The following CTXND1 variants were observed in gnomAD, a reference collection of about 807,000 sequenced individuals.
The protein encoded by CTXND1 is cortexin domain containing 1, also known as cortexin domain-containing 1 protein.
intron 1 of CTXND1, among the ~76,000 whole-genome samples, chr15:80,235,134 G>A (rs905486007): frequency 2.6e-5 from 4 of 152,114 alleles, no homozygotes; most frequent in Non-Finnish European, 5.9e-5. Flanking sequence ...GGGCCCTTGC[G>A]GTAGTTCAGC....
chr15:80,229,313 A>G (rs1893404425), intron 1 of CTXND1, among the ~76,000 whole-genome samples: 1 of 152,210 alleles, frequency 6.6e-6, no homozygotes, highest in South Asian at 2.1e-4. Context: ...GTTGCTGGTC[A>G]TACCAAGGTA....
At chr15:80,204,926 A>G (rs1175070057) in intron 1 of CTXND1, among the ~76,000 whole-genome samples, 2 of 152,204 alleles carry the variant, frequency 1.3e-5, no homozygotes, top group East Asian at 3.8e-4. Flanking sequence ...AAAAAGCACA[A>G]AAAGAAAACA....
In CTXND1 at chr15:80,202,604, G is replaced by A. The variant is rs77472373; in HGVS notation, c.-65-590C>T. ...CATCAGGATTACAGGCGTGACCACT[G>A]TGCCTGGTCTATCATGTTTTGAAAG... On this transcript the variant is annotated intron_variant, in intron 2 of 2. Coordinates refer to ENST00000560778, the MANE Select transcript of CTXND1 (RefSeq NM_001352888.2). 4.7e-3 allele frequency among the ~76,000 whole-genome samples: 717 copies of A among 152,292 alleles called. 6 individuals carry two copies. The highest frequency in any genetic ancestry group is 0.016 in the African/African-American group (685 of 41,540).
At chr15:80,206,766 A>G (rs1275911831) in intron 1 of CTXND1, among the ~76,000 whole-genome samples, 1 of 152,280 alleles carries the variant, frequency 6.6e-6, no homozygotes, top group Admixed American at 6.5e-5. Context: ...TTCTCTTTCC[A>G]TTGTCAGTTA....
chr15:80,201,567 G>A lies in CTXND1; in HGVS notation c.*203C>T, dbSNP rs2041449210. ...GCTCTTTTCCCCTGGCTGGTCCATG[G>A]TTGCGACACCCACGGCACCCGGGCA... On this transcript the variant is annotated 3_prime_UTR_variant, in exon 3 of 3. Transcript: ENST00000560778. 4 of 386,132 alleles carry A rather than the reference G, an allele frequency of 1.0e-5. No individual in the cohort carries two copies. The highest frequency in any genetic ancestry group is 2.1e-5 in the African/African-American group (1 of 48,518). The allele number at this position is 386,132 out of a possible 1,614,324, so 23.9% of individuals were successfully genotyped here. A position where few individuals can be genotyped will look rare whatever the true frequency, so the allele number is the denominator to read the frequency against.
chr15:80,200,921 G>A lies in CTXND1; in HGVS notation c.*849C>T, dbSNP rs2041445831. ...TACCCAACCGATGGGATGCCCTTCG[G>A]TCACTAAAACTGGCAGCTAAGAAGA... On this transcript the variant is annotated 3_prime_UTR_variant, in exon 3 of 3. Transcript: ENST00000560778. The A allele has an allele frequency of 6.6e-6, 1 of 152,204 alleles. No homozygotes were observed. The highest frequency in any genetic ancestry group is 1.5e-5 in the Non-Finnish European group (1 of 68,042). 9.4% of individuals were successfully genotyped at this position (152,204 alleles called of 1,614,324 possible).
chr15:80,251,548 C>T (rs1893696655), intron 1 of CTXND1, among the ~76,000 whole-genome samples: 1 of 152,232 alleles, frequency 6.6e-6, no homozygotes, highest in South Asian at 2.1e-4. Flanking sequence ...GAAGGACTTT[C>T]TAACTTTGAT....
chr15:80,239,883 TTTA>T (rs1893545223), intron 1 of CTXND1, among the ~76,000 whole-genome samples: 1 of 152,218 alleles, frequency 6.6e-6, no homozygotes, highest in African/African-American at 2.4e-5. Flanking sequence ...TTAAGTCTTT[TTTA>T]TTATTGATCA....
intron 1 of CTXND1, among the ~76,000 whole-genome samples, chr15:80,229,077 T>C (rs1893402190): frequency 6.6e-6 from 1 of 152,108 alleles, no homozygotes; most frequent in Non-Finnish European, 1.5e-5. Context: ...GCACTTCAGG[T>C]AAAGGACACT....
chr15:80,243,509 G>GTAGC lies in CTXND1; in HGVS notation c.-218+8494_-218+8497dup, dbSNP rs1200759395. On this transcript the variant is annotated intron_variant, in intron 1 of 2. Coordinates refer to ENST00000560778, the MANE Select transcript of CTXND1 (RefSeq NM_001352888.2). ...AGAGTCTTCACAGGGTGGTGTCCCA[G>GTAGC]TAGCTATAGCAGATGCCTTGGACAA... Among the ~76,000 whole-genome samples, 14 of 152,336 alleles carry GTAGC rather than the reference G, an allele frequency of 9.2e-5. No homozygotes were observed. The East Asian group carries it at 2.7e-3, about 29-fold the overall frequency.
intron 1 of CTXND1, among the ~76,000 whole-genome samples, chr15:80,241,239 G>T (rs1595910436): frequency 6.6e-6 from 1 of 152,164 alleles, no homozygotes; most frequent in African/African-American, 2.4e-5. Context: ...CCAGGGTCAG[G>T]ATTCAGGAGC....
At chr15:80,241,537 C>T (rs930770246) in intron 1 of CTXND1, among the ~76,000 whole-genome samples, 87 of 152,300 alleles carry the variant, frequency 5.7e-4, no homozygotes, top group Non-Finnish European at 1.5e-4. Context: ...CATGCTCAGA[C>T]ATGTAAGGGC....
At chr15:80,221,178 G>A (rs1893313570) in intron 1 of CTXND1, among the ~76,000 whole-genome samples, 1 of 151,766 alleles carries the variant, frequency 6.6e-6, no homozygotes, top group Non-Finnish European at 1.5e-5. Context: ...CAAAGTGCTG[G>A]GATTACAGGC....
At chr15:80,235,961 C>T (rs1370663133) in intron 1 of CTXND1, among the ~76,000 whole-genome samples, 1 of 149,038 alleles carries the variant, frequency 6.7e-6, no homozygotes. Context: ...GTCAGCACTA[C>T]ATAAATATCC....
intron 1 of CTXND1, among the ~76,000 whole-genome samples, chr15:80,204,672 T>TACAC (rs1555443930): frequency 2.6e-4 from 33 of 124,834 alleles, no homozygotes; most frequent in African/African-American, 1.2e-3. Context: ...TATATATATA[T>TACAC]ACCACATTTT....
intron 1 of CTXND1, among the ~76,000 whole-genome samples, chr15:80,214,531 A>T (rs1893232720): frequency 1.3e-5 from 2 of 152,202 alleles, no homozygotes; most frequent in African/African-American, 4.8e-5. Context: ...ATTAAAAAAA[A>T]TTATTGAGTC....
chr15:80,244,173 G>T (rs1048077302), intron 1 of CTXND1, among the ~76,000 whole-genome samples: 1 of 152,210 alleles, frequency 6.6e-6, no homozygotes, highest in African/African-American at 2.4e-5. Flanking sequence ...GAAACTGTCT[G>T]CTTGTTTTCT....
chr15:80,212,418 G>C (rs932539106), intron 1 of CTXND1, among the ~76,000 whole-genome samples: 1 of 152,176 alleles, frequency 6.6e-6, no homozygotes, highest in African/African-American at 2.4e-5. Flanking sequence ...GTATGTTTTG[G>C]ATATTCAATG....
At chr15:80,215,981 C>G (rs1350764224) in intron 1 of CTXND1, among the ~76,000 whole-genome samples, 1 of 152,190 alleles carries the variant, frequency 6.6e-6, no homozygotes, top group Non-Finnish European at 1.5e-5. Flanking sequence ...TCCCCAGCAT[C>G]TTCCAAGGTC....
Sources: allele counts gnomAD v4.1 joint callset (sites outside exome capture counted in the v4.1 genomes callset), GRCh38; gene constraint gnomAD v4.1.1; transcripts MANE v1.5; gene names NCBI Gene and HGNC (gene_info 2026-07-23, HGNC 2026-07-21).